SLC7A5: variants seen among roughly 807,000 people sequenced by gnomAD.
SLC7A5 encodes solute carrier family 7 member 5, also known as large neutral amino acids transporter small subunit 1.
In SLC7A5, 23 loss-of-function variants were observed where a neutral mutation model predicts 50.2. The observed-to-expected ratio is 0.46, with a 90% CI of 0.33 to 0.65. The LOEUF is 0.65. Ranked by LOEUF, SLC7A5 falls within the 30% of genes least tolerant of loss-of-function variation. The pLI is 0.02. For missense variants in SLC7A5, 578 were observed against 684.4 expected (o/e 0.84, Z 1.73); for synonymous variants, 393 against 330.6 (o/e 1.19, Z -2.05).
At chr16:87,858,513 G>A (rs2055348353) in intron 1 of SLC7A5, among the ~76,000 whole-genome samples, 1 of 152,166 alleles carries the variant, frequency 6.6e-6, no homozygotes, top group South Asian at 2.1e-4. Context: ...GTATTGTGGA[G>A]GTGGAAGGAC....
At chr16:87,868,808 C>T in intron 1 of SLC7A5, 77 bp downstream of exon 1, 1 of 1,407,414 alleles carries the variant, frequency 7.1e-7, no homozygotes, top group Non-Finnish European at 9.8e-7. Flanking sequence ...ATGTGGGAGC[C>T]AGGGGCGTAG....
At chr16:87,837,526 G>A (rs1253476058) in intron 7 of SLC7A5, 2 of 394,904 alleles carry the variant, frequency 5.1e-6, no homozygotes, top group Non-Finnish European at 9.4e-6. Flanking sequence ...GATGCACCCC[G>A]CTGAGAAACG....
rs2054974102 is a variant in SLC7A5, at chr16:87,834,605, C to G, written c.1291-14G>C. On this transcript the variant is annotated splice_polypyrimidine_tract_variant and intron_variant, in intron 8 of 9. Transcript: ENST00000261622. ...GGCCAGGTTCACCTGGGGCAGAGGA[C>G]AGGGCCTGGGTGAGCCCTCTCCTGT... The G allele has an allele frequency of 6.3e-7, 1 of 1,575,992 alleles. No individual in the cohort carries two copies. The highest frequency in any genetic ancestry group is 1.9e-5 in the Admixed American group (1 of 52,530).
chr16:87,841,348 T>C lies in SLC7A5; in HGVS notation c.665-193A>G, dbSNP rs867444753. 1.3e-5 allele frequency among the ~76,000 whole-genome samples: 2 copies of C among 152,122 alleles called. No individual in the cohort carries two copies. Among genetic ancestry groups the C allele is most frequent in the Non-Finnish European group, 2.9e-5 (2 of 68,000 alleles). The stretch of plus-strand genomic sequence containing the variant: ...AGGGTTCCAACCACAACCAGGGGGA[T>C]GTGGCCCTGCCAGAGGCCCTGTGCC... On this transcript the variant is annotated intron_variant, in intron 2 of 9. Transcript: ENST00000261622. This position sits in a 1 kb window ranked among gnomAD's most constrained non-coding sequence, Gnocchi z 4.8.
At chr16:87,849,848 G>A (rs2055198064) in intron 2 of SLC7A5, among the ~76,000 whole-genome samples, 1 of 152,162 alleles carries the variant, frequency 6.6e-6, no homozygotes, top group Non-Finnish European at 1.5e-5. Context: ...ACACATGCAT[G>A]GGGGATGGGC....
chr16:87,848,843 G>A (rs111491952), intron 2 of SLC7A5, among the ~76,000 whole-genome samples: 5 of 152,344 alleles, frequency 3.3e-5, no homozygotes, highest in Admixed American at 1.3e-4. Context: ...TGCGGCACAC[G>A]GGACAGAAGA....
At chr16:87,848,075 G>A (rs904289944) in intron 2 of SLC7A5, among the ~76,000 whole-genome samples, 4 of 152,250 alleles carry the variant, frequency 2.6e-5, no homozygotes, top group African/African-American at 7.2e-5. Context: ...AGGACAGCAA[G>A]AGGCACGCCG....
intron 1 of SLC7A5, among the ~76,000 whole-genome samples, chr16:87,856,045 T>G (rs575250013): frequency 6.6e-6 from 1 of 152,230 alleles, no homozygotes; most frequent in South Asian, 2.1e-4. Flanking sequence ...GAGTACCCAG[T>G]GAACATGATC....
rs1369995573 is a variant in SLC7A5, at chr16:87,860,270, T to A, written c.539-8421A>T. Among the ~76,000 whole-genome samples, 1 of 146,978 alleles carries A rather than the reference T, an allele frequency of 6.8e-6. No homozygotes were observed. The highest frequency in any genetic ancestry group is 1.5e-5 in the Non-Finnish European group (1 of 67,346). On this transcript the variant is annotated intron_variant, in intron 1 of 9. Coordinates refer to ENST00000261622, the MANE Select transcript of SLC7A5 (RefSeq NM_003486.7). This position sits in a 1 kb window ranked among gnomAD's most constrained non-coding sequence, Gnocchi z 4.8. ...ATCACTTGAACCCAGGAGGCGGAGG[T>A]TGCAGTGAACTGAGATCATACCACT...
rs974715395 is a variant in SLC7A5, at chr16:87,860,193, C to A, written c.539-8344G>T. The stretch of plus-strand genomic sequence containing the variant: ...TACTAAAAACACAAAATTAGCTGGG[C>A]ATGGTGGTGCATGCCTGTAGTCCCA... On this transcript the variant is annotated intron_variant, in intron 1 of 9. Transcript: ENST00000261622. This position sits in a 1 kb window ranked among gnomAD's most constrained non-coding sequence, Gnocchi z 4.8. 4.0e-5 allele frequency among the ~76,000 whole-genome samples: 6 copies of A among 151,714 alleles called. No individual in the cohort carries two copies. The highest frequency in any genetic ancestry group is 4.2e-4 in the South Asian group (2 of 4,808).
rs2055335641 is a variant in SLC7A5 at position 87,857,442 on chromosome 16, C to T, written c.539-5593G>A. ...GGATTACTGACACCTGCCACCACAC[C>T]GGCCTAATTTTTGTATTTTTAGTAG... On this transcript the variant is annotated intron_variant, in intron 1 of 9. Coordinates refer to ENST00000261622, the MANE Select transcript of SLC7A5 (RefSeq NM_003486.7). Among the ~76,000 whole-genome samples the T allele has an allele frequency of 3.3e-5, 5 of 152,210 alleles. No individual in the cohort carries two copies. In the South Asian group the frequency reaches 8.3e-4, roughly 25 times the overall value.
In SLC7A5 at chr16:87,853,773, A is replaced by C. The variant is rs936176546; in HGVS notation, c.539-1924T>G. On this transcript the variant is annotated intron_variant, in intron 1 of 9. Transcript: ENST00000261622. The surrounding 1 kb of genome is among the most constrained non-coding windows in gnomAD (Gnocchi z 4.4). ...CACTCGCTCATTCATGCCCGGAGGGAGGCGGGGAGTGGGTGTGGCCAAGCC... is the reference window on the plus strand; with the variant it reads ...CACTCGCTCATTCATGCCCGGAGGGCGGCGGGGAGTGGGTGTGGCCAAGCC... The C allele has an allele frequency of 2.6e-5, 4 of 152,130 alleles. No homozygotes were observed. The highest frequency in any genetic ancestry group is 2.1e-4 in the South Asian group (1 of 4,818). 9.4% of individuals were successfully genotyped at this position (152,130 alleles called of 1,614,324 possible).
rs376938738 is a variant in SLC7A5, at chr16:87,863,986, A to AAAAAAAAAATATAT, written c.538+4898_538+4899insATATATTTTTTTTT. Among the ~76,000 whole-genome samples the AAAAAAAAAATATAT allele has an allele frequency of 9.8e-4, 82 of 83,278 alleles. 2 individuals carry two copies. Among genetic ancestry groups the AAAAAAAAAATATAT allele is most frequent in the African/African-American group, 3.1e-3 (79 of 25,718 alleles). The allele number at this position is 83,278 out of a possible 152,430, so 54.6% of individuals were successfully genotyped here. A position where few individuals can be genotyped will look rare whatever the true frequency, so the allele number is the denominator to read the frequency against. On this transcript the variant is annotated intron_variant, in intron 1 of 9. Transcript: ENST00000261622. ...CCAACCTTATGTGTGATCATTTAAAAATATATATATATATATATATATCAG... is the reference window on the plus strand; with the variant it reads ...CCAACCTTATGTGTGATCATTTAAAAAAAAAAAAATATATATATATATATATATATATATATCAG...
Position 87,833,103 on chromosome 16 carries a change from TC to T in SLC7A5, c.1469-79del. The T allele has an allele frequency of 2.4e-6, 3 of 1,225,364 alleles. No homozygotes were observed. Among genetic ancestry groups the T allele is most frequent in the Non-Finnish European group, 2.4e-6 (2 of 827,336 alleles). 75.9% of individuals were successfully genotyped at this position (1,225,364 alleles called of 1,614,324 possible). ...GGGACACGGGGGCGTGAGCTGGGGC[TC>T]CCCCAGCCCTGCTGTCACCAAACCC... is the stretch of plus-strand genomic sequence containing the variant. On this transcript the variant is annotated intron_variant, in intron 9 of 9. Coordinates refer to ENST00000261622, the MANE Select transcript of SLC7A5 (RefSeq NM_003486.7). This position sits in a 1 kb window ranked among gnomAD's most constrained non-coding sequence, Gnocchi z 6.0.
Position 87,852,281 on chromosome 16 carries a change from A to G in SLC7A5, c.539-432T>C, listed in dbSNP as rs1277740143. Among the ~76,000 whole-genome samples the G allele has an allele frequency of 6.6e-6, 1 of 152,128 alleles. No homozygotes were observed. The highest frequency in any genetic ancestry group is 1.5e-5 in the Non-Finnish European group (1 of 68,012). On this transcript the variant is annotated intron_variant, in intron 1 of 9. Coordinates refer to ENST00000261622, the MANE Select transcript of SLC7A5 (RefSeq NM_003486.7). This position sits in a 1 kb window ranked among gnomAD's most constrained non-coding sequence, Gnocchi z 4.5. The stretch of plus-strand genomic sequence containing the variant: ...GACTGTGAGACCCACGCACAGCCCG[A>G]CTGCCGGACTCCATGAGGGCGGGGC...
chr16:87,853,463 CACCCAA>C lies in SLC7A5; in HGVS notation c.539-1620_539-1615del, dbSNP rs1215626080. ...TTGAAATTCCGGAACTTCCACTCCT[CACCCAA>C]ACTGAAGAGGTGATTCTTCACCTCT... On this transcript the variant is annotated intron_variant, in intron 1 of 9. Transcript: ENST00000261622. The surrounding 1 kb of genome is among the most constrained non-coding windows in gnomAD (Gnocchi z 4.4). 6.6e-6 allele frequency among the ~76,000 whole-genome samples: 1 copy of C among 152,172 alleles called. No individual in the cohort carries two copies. Among genetic ancestry groups the C allele is most frequent in the Non-Finnish European group, 1.5e-5 (1 of 68,026 alleles).
intron 1 of SLC7A5, chr16:87,863,692 T>C (rs1353608324): frequency 1.3e-5 from 2 of 151,858 alleles, no homozygotes; most frequent in Admixed American, 6.6e-5. Context: ...TCACCGTCAG[T>C]GGGATGGTTC....
chr16:87,841,224 A>T lies in SLC7A5; in HGVS notation c.665-69T>A, dbSNP rs992727334. On this transcript the variant is annotated intron_variant, in intron 2 of 9. Coordinates refer to ENST00000261622, the MANE Select transcript of SLC7A5 (RefSeq NM_003486.7). This position sits in a 1 kb window ranked among gnomAD's most constrained non-coding sequence, Gnocchi z 4.8. ...ACAGAGGTCATGCTACCAGTTCTAG[A>T]ATGTTCCTGGAGCAAAATACATAGC... The T allele has an allele frequency of 9.3e-7, 1 of 1,076,966 alleles. No individual in the cohort carries two copies. The highest frequency in any genetic ancestry group is 1.7e-5 in the Admixed American group (1 of 58,164). 66.7% of individuals were successfully genotyped at this position (1,076,966 alleles called of 1,614,324 possible).
intron 2 of SLC7A5, among the ~76,000 whole-genome samples, chr16:87,845,544 G>A (rs1206181958): frequency 7.3e-6 from 1 of 136,256 alleles, no homozygotes; most frequent in African/African-American, 3.0e-5. Flanking sequence ...CCACCCCACG[G>A]AGTCCACGCC....
Sources: allele counts gnomAD v4.1 joint callset (sites outside exome capture counted in the v4.1 genomes callset), GRCh38; gene constraint gnomAD v4.1.1; non-coding constraint Gnocchi (gnomAD v3.1); transcripts MANE v1.5; gene names NCBI Gene and HGNC (gene_info 2026-07-23, HGNC 2026-07-21).